Variants in UNC79 observed in about 807,000 individuals in gnomAD.
UNC79 encodes the protein protein unc-79 homolog.
Under a neutral mutation model 283.1 loss-of-function variants are expected in UNC79, and 37 were observed. That is an observed-to-expected ratio of 0.13 (90% CI 0.10 to 0.17). The LOEUF is 0.17. Among genes scored for constraint, UNC79 ranks in the 10% least tolerant of loss-of-function variants. The pLI is 1.00. For missense variants in UNC79, 2,272 were observed against 3,211.1 expected, an observed-to-expected ratio of 0.71 and a Z score of 7.07; for synonymous variants, 1,107 against 1,200.2, an observed-to-expected ratio of 0.92 and a Z score of 1.61.
intron 1 of UNC79, among the ~76,000 whole-genome samples, chr14:93,396,777 A>ATGTGTG (rs34727419): frequency 0.034 from 4,853 of 144,432 alleles, 268 homozygotes; most frequent in African/African-American, 0.11. Flanking sequence ...ATGTGTGTGT[A>ATGTGTG]TGTGTGTGTG....
At chr14:93,581,857 A>G (rs1362496762) in intron 19 of UNC79, among the ~76,000 whole-genome samples, 1 of 152,206 alleles carries the variant, frequency 6.6e-6, no homozygotes, top group African/African-American at 2.4e-5. Context: ...CTGTTATTGA[A>G]TAAAATGTAC....
At chr14:93,511,703 C>T (rs1286506748) in intron 7 of UNC79, among the ~76,000 whole-genome samples, 1 of 152,134 alleles carries the variant, frequency 6.6e-6, no homozygotes, top group Non-Finnish European at 1.5e-5. Context: ...CCTTCACCTC[C>T]CAAAGTGCTG....
intron 22 of UNC79, among the ~76,000 whole-genome samples, chr14:93,591,217 T>C (rs947571277): frequency 6.6e-6 from 1 of 152,174 alleles, no homozygotes; most frequent in Non-Finnish European, 1.5e-5. Context: ...TACCTCCATA[T>C]GCTCTCTGTA....
chr14:93,340,441 C>CAAAAAAAA (rs1193751068), intron 1 of UNC79, among the ~76,000 whole-genome samples: 3 of 64,412 alleles, frequency 4.7e-5, no homozygotes, highest in African/African-American at 1.1e-4. Context: ...AACGCTGTCT[C>CAAAAAAAA]AAAAAAAAAA....
At chr14:93,699,666 G>T (rs1002938208) in intron 47 of UNC79, among the ~76,000 whole-genome samples, 1 of 152,024 alleles carries the variant, frequency 6.6e-6, no homozygotes, top group African/African-American at 2.4e-5. Flanking sequence ...CTCATATATT[G>T]TATAAGAACT....
intron 7 of UNC79, among the ~76,000 whole-genome samples, chr14:93,511,732 A>G (rs2059836701): frequency 1.3e-5 from 2 of 152,230 alleles, no homozygotes; most frequent in Non-Finnish European, 2.9e-5. Context: ...GGCATGAGCC[A>G]CCGTGCATGA....
At chr14:93,665,046 G>C (rs1017199399) in intron 40 of UNC79, among the ~76,000 whole-genome samples, 1 of 151,322 alleles carries the variant, frequency 6.6e-6, no homozygotes, top group African/African-American at 2.4e-5. Flanking sequence ...GACTATAAAT[G>C]ATATACATAT....
At chr14:93,574,015 C>A (rs1179716885) in intron 16 of UNC79, among the ~76,000 whole-genome samples, 1 of 152,180 alleles carries the variant, frequency 6.6e-6, no homozygotes, top group African/African-American at 2.4e-5. Flanking sequence ...AAAAAACAAA[C>A]AAACAAACAA....
chr14:93,603,259 A>G (rs2065643988), exon 26 of UNC79: 1 of 1,614,210 alleles, frequency 6.2e-7, no homozygotes, highest in Non-Finnish European at 8.5e-7. Flanking sequence ...TGTGAGGACC[A>G]ATGTTGCTAA....
chr14:93,554,939 T>C (rs2062085126), intron 14 of UNC79, among the ~76,000 whole-genome samples: 1 of 152,226 alleles, frequency 6.6e-6, no homozygotes, highest in African/African-American at 2.4e-5. Flanking sequence ...ACAGGTAATA[T>C]GTGACTCTTT....
intron 17 of UNC79, 106 bp from the exon 18 acceptor site, chr14:93,577,736 A>G (rs2063553852): frequency 9.0e-7 from 1 of 1,113,066 alleles, no homozygotes; most frequent in African/African-American, 1.6e-5. Context: ...AAGGAAAGAA[A>G]TAAGTGTGAC....
rs779388684 is a variant in UNC79 at position 93,630,780 on chromosome 14, AAAT to A, written c.5609-16_5609-14del. Reference sequence around the variant, plus strand: ...GCTTTTAATCAGTGTCCTGAGTTTTAAATAATATTTCTGTTTGTAGATCCTTCT... The same window carrying A: ...GCTTTTAATCAGTGTCCTGAGTTTTAAATATTTCTGTTTGTAGATCCTTCT... On this transcript the variant is annotated intron_variant, in intron 30 of 48. Transcript: ENST00000555664. 14 of 1,603,498 alleles carry A rather than the reference AAAT, an allele frequency of 8.7e-6. No homozygotes were observed. The Admixed American group carries it at 2.3e-4, about 27-fold the overall frequency.
chr14:93,389,434 C>T (rs745615779), intron 1 of UNC79, among the ~76,000 whole-genome samples: 6 of 152,150 alleles, frequency 3.9e-5, no homozygotes, highest in Non-Finnish European at 8.8e-5. Flanking sequence ...GAGAAAAAAA[C>T]TAGGTGAATC....
chr14:93,660,724 G>A (rs1295153411), intron 39 of UNC79, among the ~76,000 whole-genome samples: 18 of 151,344 alleles, frequency 1.2e-4, no homozygotes. Flanking sequence ...CCAAGTAGCT[G>A]GGACTACAGG....
At chr14:93,692,432 A>G (rs2074768876) in intron 46 of UNC79, among the ~76,000 whole-genome samples, 1 of 152,224 alleles carries the variant, frequency 6.6e-6, no homozygotes, top group African/African-American at 2.4e-5. Context: ...TGTATGAAAT[A>G]TCTACCTTGA....
rs187080836 is a variant in UNC79, at chr14:93,618,374, C to T, written c.4387+20C>T. ...AAAAAGGTACATATCTAAATTCTAT[C>T]CCAAACCTAGCTTCAATACATAATA... On this transcript the variant is annotated intron_variant, in intron 29 of 48. Coordinates refer to ENST00000555664, the Ensembl canonical transcript of UNC79. 8.8e-6 allele frequency: 14 copies of T among 1,590,812 alleles called. No individual in the cohort carries two copies. The highest frequency in any genetic ancestry group is 3.3e-4 in the Middle Eastern group (2 of 6,022).
At chr14:93,446,107 A>G (rs1331475847) in intron 1 of UNC79, among the ~76,000 whole-genome samples, 1 of 151,798 alleles carries the variant, frequency 6.6e-6, no homozygotes, top group African/African-American at 2.4e-5. Context: ...TCTGTTTCCT[A>G]TTTTATTGAT....
chr14:93,460,380 T>G (rs1377844604), intron 1 of UNC79, among the ~76,000 whole-genome samples: 2 of 151,416 alleles, frequency 1.3e-5, no homozygotes, highest in Non-Finnish European at 2.9e-5. Flanking sequence ...TGTGGTGGCG[T>G]GCACCTGTGA....
chr14:93,609,736 G>A (rs1487465855), intron 26 of UNC79, among the ~76,000 whole-genome samples: 1 of 152,054 alleles, frequency 6.6e-6, no homozygotes, highest in Non-Finnish European at 1.5e-5. Context: ...CTTTATCGAT[G>A]GAGAACATTT....
Sources: allele counts gnomAD v4.1 joint callset (sites outside exome capture counted in the v4.1 genomes callset), GRCh38; gene constraint gnomAD v4.1.1; transcripts MANE v1.5; gene names NCBI Gene and HGNC (gene_info 2026-07-23, HGNC 2026-07-21).